ZDHHC20: variants seen among roughly 807,000 people sequenced by gnomAD.
ZDHHC20 encodes palmitoyltransferase ZDHHC20.
ZDHHC20 carries 43 observed loss-of-function variants against 57.8 expected under a neutral mutation model. That is an observed-to-expected ratio of 0.74 (90% CI 0.58 to 0.96). The LOEUF (loss-of-function observed/expected upper bound fraction) is 0.96. Ranked by LOEUF, ZDHHC20 falls within the 40% of genes least tolerant of loss-of-function variation. The pLI, the probability that ZDHHC20 is intolerant of heterozygous loss-of-function variation, is 0.00. For missense variants in ZDHHC20, 391 were observed against 441.1 expected (o/e 0.89, Z 1.02); for synonymous variants, 157 against 153.0 (o/e 1.03, Z -0.19).
intron 3 of ZDHHC20, among the ~76,000 whole-genome samples, chr13:21,420,115 C>T (rs780861070): frequency 2.0e-5 from 3 of 152,034 alleles, no homozygotes; most frequent in Admixed American, 6.6e-5. Flanking sequence ...GGGGAAATCC[C>T]GTCTCTACTG....
intron 1 of ZDHHC20, among the ~76,000 whole-genome samples, chr13:21,428,877 C>A (rs1490043417): frequency 7.2e-6 from 1 of 138,602 alleles, no homozygotes; most frequent in African/African-American, 3.2e-5. Flanking sequence ...CAAAATAAAA[C>A]AAAACAAAAG....
chr13:21,431,892 T>C (rs1458623100), intron 1 of ZDHHC20, among the ~76,000 whole-genome samples: 2 of 152,228 alleles, frequency 1.3e-5, no homozygotes, highest in East Asian at 1.9e-4. Context: ...TCCTAGGCCA[T>C]AACTTGCCTC....
At position 21,375,913 on chromosome 13, in the gene ZDHHC20, C is replaced by T. The variant is rs1464032560; in HGVS notation, c.*783G>A. On this transcript the variant is annotated 3_prime_UTR_variant, in exon 13 of 13. Transcript: ENST00000400590. Reference sequence around the variant, plus strand: ...ACCTTTGTGTTTCTCTGCCCATGTACATACCCCTGAAAGTTCAACAAAAAA... The same window carrying T: ...ACCTTTGTGTTTCTCTGCCCATGTATATACCCCTGAAAGTTCAACAAAAAA... The T allele has an allele frequency of 6.6e-6, 1 of 152,114 alleles. No homozygotes were observed. The highest frequency in any genetic ancestry group is 6.5e-5 in the Admixed American group (1 of 15,270). The allele number at this position is 152,114 out of a possible 1,614,324, so 9.4% of individuals were successfully genotyped here.
At chr13:21,387,434 T>C (rs1411963941) in intron 9 of ZDHHC20, 74 bp downstream of exon 9, 3 of 1,186,064 alleles carry the variant, frequency 2.5e-6, no homozygotes, top group Non-Finnish European at 3.3e-6. Context: ...ATTCTCTAAA[T>C]CTGAAGACAT....
At chr13:21,453,838 CAAAAT>C (rs959072433) in intron 1 of ZDHHC20, among the ~76,000 whole-genome samples, 1 of 151,344 alleles carries the variant, frequency 6.6e-6, no homozygotes, top group Non-Finnish European at 1.5e-5. Context: ...TAAAACAAAA[CAAAAT>C]AAAAGGATTT....
chr13:21,407,305 T>G (rs2137827393), intron 4 of ZDHHC20, among the ~76,000 whole-genome samples: 1 of 152,322 alleles, frequency 6.6e-6, no homozygotes, highest in East Asian at 1.9e-4. Context: ...CTTTCCTGAC[T>G]TTTTAATGAT....
chr13:21,407,634 T>C (rs1878636356), intron 4 of ZDHHC20, among the ~76,000 whole-genome samples: 1 of 152,222 alleles, frequency 6.6e-6, no homozygotes, highest in South Asian at 2.1e-4. Flanking sequence ...TAGATGCCAA[T>C]TGTCAATTTT....
At chr13:21,437,277 T>G (rs1012228873) in intron 1 of ZDHHC20, among the ~76,000 whole-genome samples, 3 of 152,210 alleles carry the variant, frequency 2.0e-5, no homozygotes, top group Non-Finnish European at 4.4e-5. Context: ...CAGCAAGTTT[T>G]TATGTAAAAG....
At chr13:21,431,575 G>A (rs1038876415) in intron 1 of ZDHHC20, among the ~76,000 whole-genome samples, 6 of 152,184 alleles carry the variant, frequency 3.9e-5, no homozygotes, top group African/African-American at 1.4e-4. Context: ...GGCTGTATTT[G>A]GCACAAAGTG....
In ZDHHC20 at chr13:21,373,951, A is replaced by C. The variant is rs1871597834; in HGVS notation, c.*2745T>G. The C allele has an allele frequency of 1.3e-5, 2 of 152,332 alleles. No homozygotes were observed. Among genetic ancestry groups the C allele is most frequent in the African/African-American group, 4.8e-5 (2 of 41,464 alleles). 9.4% of individuals were successfully genotyped at this position (152,332 alleles called of 1,614,324 possible). ...TAAGTAATTCAAAGGCTTTAACTGA[A>C]AATTTCTGAAAAGATGTTTGCTGTG... On this transcript the variant is annotated 3_prime_UTR_variant, in exon 13 of 13. Coordinates refer to ENST00000400590, the MANE Select transcript of ZDHHC20 (RefSeq NM_001330059.2).
Position 21,436,277 on chromosome 13 carries a change from T to C in ZDHHC20, c.119-10599A>G, listed in dbSNP as rs537479134. Among the ~76,000 whole-genome samples the C allele has an allele frequency of 2.0e-5, 3 of 152,356 alleles. No individual in the cohort carries two copies. In the East Asian group the frequency reaches 5.8e-4, roughly 29 times the overall value. The stretch of plus-strand genomic sequence containing the variant: ...CCAAAATGTTATAATGACACAGCAT[T>C]ACTTCTGTGACATTCTTGCTGAAAA... On this transcript the variant is annotated intron_variant, in intron 1 of 12. Transcript: ENST00000400590.
intron 1 of ZDHHC20, among the ~76,000 whole-genome samples, chr13:21,448,006 C>T (rs1393226459): frequency 1.7e-5 from 2 of 114,410 alleles, no homozygotes; most frequent in Non-Finnish European, 2.0e-5. Context: ...CGTCTCTGCC[C>T]GGCCGCCCCG....
intron 1 of ZDHHC20, among the ~76,000 whole-genome samples, chr13:21,444,924 T>C (rs1032876498): frequency 1.3e-5 from 2 of 151,926 alleles, no homozygotes; most frequent in Non-Finnish European, 2.9e-5. Flanking sequence ...GCCATGGTGT[T>C]ATGCGCCTGT....
At chr13:21,425,851 A>G (rs1881186845) in intron 1 of ZDHHC20, among the ~76,000 whole-genome samples, 173 bp from the exon 2 acceptor site, 1 of 152,214 alleles carries the variant, frequency 6.6e-6, no homozygotes, top group Admixed American at 6.5e-5. Context: ...AAAACCATTA[A>G]AATACTAAAA....
intron 7 of ZDHHC20, among the ~76,000 whole-genome samples, chr13:21,395,742 C>T (rs941343192): frequency 4.0e-5 from 6 of 151,810 alleles, no homozygotes; most frequent in East Asian, 1.9e-4. Context: ...CCTCGTGATC[C>T]GCTCGCCTCA....
chr13:21,417,173 T>G (rs763145995), intron 3 of ZDHHC20, among the ~76,000 whole-genome samples: 1 of 151,710 alleles, frequency 6.6e-6, no homozygotes, highest in East Asian at 1.9e-4. Context: ...CTCGGAGATT[T>G]ATCTGACTAT....
intron 7 of ZDHHC20, among the ~76,000 whole-genome samples, chr13:21,399,960 T>C (rs1207511003): frequency 6.6e-6 from 1 of 151,878 alleles, no homozygotes; most frequent in Non-Finnish European, 1.5e-5. Flanking sequence ...TAAGAAATGC[T>C]GTAAAATCTA....
chr13:21,381,485 T>C lies in ZDHHC20; in HGVS notation c.1009A>G (p.Ser337Gly), dbSNP rs190702360. 3.1e-4 allele frequency: 499 copies of C among 1,613,956 alleles called. 5 individuals are homozygous for C. In the East Asian group the frequency reaches 0.01, roughly 32 times the overall value. ...CCATTCTCCAGCCACTGAGATTCAC[T>C]GTCCAACAAGCGGTTTTTTGATTCA... ...LSESKNRLLD[S>G]ESQWLENGAE... Residue 337 changes from serine (S) to glycine (G), a missense_variant, in exon 11 of 13, where the codon AGT (serine) becomes GGT (glycine). Ser to Gly is a moderately conservative substitution (Grantham distance 56). Around this residue, in one of 3 missense-constraint regions of ZDHHC20, gnomAD observed 197 missense variants for 220.8 expected, o/e 0.89. Transcript: ENST00000400590.
intron 7 of ZDHHC20, among the ~76,000 whole-genome samples, chr13:21,395,211 C>A (rs548041755): frequency 6.6e-6 from 1 of 151,126 alleles, no homozygotes; most frequent in Non-Finnish European, 1.5e-5. Flanking sequence ...GGACTACAGG[C>A]GCCAGCTACC....
Sources: gnomAD v4.1 joint callset for allele counts (sites outside exome capture counted in the v4.1 genomes callset) on GRCh38, gnomAD v4.1.1 for gene constraint, gnomAD v4.1.1 regional missense constraint, MANE v1.5 for transcripts, NCBI Gene and HGNC (gene_info 2026-07-23, HGNC 2026-07-21) for gene names.